Variants in TACR1 observed in about 807,000 individuals in gnomAD.
TACR1 encodes the protein tachykinin receptor 1.
A neutral mutation model predicts 35.8 loss-of-function variants in TACR1; 25 were observed. The ratio of observed to expected loss-of-function variants is 0.70; its 90% confidence interval spans 0.51 to 0.98. TACR1 has a LOEUF of 0.98. TACR1 is among the 50% of genes least tolerant of loss of function. The probability of loss-of-function intolerance (pLI) is 0.00; values close to 1 mark genes in which losing one functional copy is unlikely to be tolerated. For missense variants in TACR1, 478 were observed against 522.9 expected (o/e 0.91, Z 0.84); for synonymous variants, 195 against 206.7 (o/e 0.94, Z 0.48).
At chr2:75,138,767 T>C (rs1674346118) in intron 1 of TACR1, among the ~76,000 whole-genome samples, 2 of 83,960 alleles carry the variant, frequency 2.4e-5, no homozygotes, top group Admixed American at 1.1e-4. Flanking sequence ...ACTCATTCAA[T>C]CATTCATTCA....
intron 1 of TACR1, among the ~76,000 whole-genome samples, chr2:75,153,473 ACTGACTG>A (rs931181511): frequency 4.1e-4 from 62 of 152,352 alleles, no homozygotes; most frequent in African/African-American, 1.3e-3. Flanking sequence ...GTCAATATTG[ACTGACTG>A]CACTCTGAGC....
intron 1 of TACR1, among the ~76,000 whole-genome samples, chr2:75,146,076 A>G (rs1262459017): frequency 6.6e-6 from 1 of 152,180 alleles, no homozygotes; most frequent in Non-Finnish European, 1.5e-5. Context: ...GTGGTATAAG[A>G]CATAGGAGGA....
At chr2:75,054,867 T>A (rs1672540306) in intron 2 of TACR1, among the ~76,000 whole-genome samples, 1 of 152,118 alleles carries the variant, frequency 6.6e-6, no homozygotes. Context: ...TAAATTTGAG[T>A]GTTGATGAAA....
chr2:75,094,675 T>A (rs910304791), intron 2 of TACR1, among the ~76,000 whole-genome samples: 1 of 150,004 alleles, frequency 6.7e-6, no homozygotes, highest in Non-Finnish European at 1.5e-5. Context: ...GAGGTGGAGG[T>A]GGTGGAGGTG....
chr2:75,154,996 C>G (rs1210766212), intron 1 of TACR1, among the ~76,000 whole-genome samples: 1 of 152,192 alleles, frequency 6.6e-6, no homozygotes, highest in Non-Finnish European at 1.5e-5. Context: ...CAAATTCACA[C>G]TGAGCATGAA....
Position 75,137,003 on chromosome 2 carries a change from C to A in TACR1, c.390-16235G>T, listed in dbSNP as rs145840924. Among the ~76,000 whole-genome samples the A allele has an allele frequency of 1.6e-3, 249 of 152,298 alleles. 1 individual carries two copies. The highest frequency in any genetic ancestry group is 5.0e-3 in the African/African-American group (209 of 41,560). On this transcript the variant is annotated intron_variant, in intron 1 of 4. Transcript: ENST00000305249. ...TATTCTAATTATCAGTTTGTGTGGT[C>A]TCTTGGCCTGGGCTTCAAGGAGAAA...
intron 1 of TACR1, among the ~76,000 whole-genome samples, chr2:75,168,658 C>T (rs982074466): frequency 1.3e-5 from 2 of 152,136 alleles, no homozygotes; most frequent in Admixed American, 1.3e-4. Flanking sequence ...TAAGACAATA[C>T]GTTTGGGTTG....
intron 2 of TACR1, among the ~76,000 whole-genome samples, chr2:75,096,220 C>G (rs572989410): frequency 6.6e-6 from 1 of 152,292 alleles, no homozygotes; most frequent in East Asian, 1.9e-4. Context: ...TTGGCCTGTG[C>G]TGCTCTTTGA....
At chr2:75,108,854 T>C (rs1009609444) in intron 2 of TACR1, among the ~76,000 whole-genome samples, 1 of 152,206 alleles carries the variant, frequency 6.6e-6, no homozygotes, top group African/African-American at 2.4e-5. Flanking sequence ...ATTTCAAAAT[T>C]TGTACATAAT....
At chr2:75,147,622 C>T (rs1264304941) in intron 1 of TACR1, among the ~76,000 whole-genome samples, 1 of 152,124 alleles carries the variant, frequency 6.6e-6, no homozygotes, top group Non-Finnish European at 1.5e-5. Flanking sequence ...CATGTGTTTT[C>T]ATTGTTCAAC....
Position 75,126,686 on chromosome 2 carries a change from A to G in TACR1, c.390-5918T>C, listed in dbSNP as rs13415474. ...GAGCTTCTGCACAGCAAAAGAAACTATCAACAGAGCATACAGACAGCCTAC... is the reference window on the plus strand; with the variant it reads ...GAGCTTCTGCACAGCAAAAGAAACTGTCAACAGAGCATACAGACAGCCTAC... On this transcript the variant is annotated intron_variant, in intron 1 of 4. Coordinates refer to ENST00000305249, the MANE Select transcript of TACR1 (RefSeq NM_001058.4). 3.5e-3 allele frequency among the ~76,000 whole-genome samples: 539 copies of G among 152,358 alleles called. 5 individuals carry two copies. The highest frequency in any genetic ancestry group is 0.012 in the African/African-American group (509 of 41,576).
At chr2:75,125,480 G>A (rs941091442) in intron 1 of TACR1, among the ~76,000 whole-genome samples, 15 of 152,150 alleles carry the variant, frequency 9.9e-5, no homozygotes, top group African/African-American at 2.9e-4. Context: ...CCACCGCGCC[G>A]GGCCTTTATT....
intron 1 of TACR1, among the ~76,000 whole-genome samples, chr2:75,181,045 TCTAACTCTTTACTCTCTTG>T (rs1288945648): frequency 6.6e-6 from 1 of 152,196 alleles, no homozygotes; most frequent in Non-Finnish European, 1.5e-5. Flanking sequence ...CATTCTCATT[TCTAACTCTTTACTCTCTTG>T]CAAACATCTA....
chr2:75,162,405 G>A (rs1349360248), intron 1 of TACR1, among the ~76,000 whole-genome samples: 2 of 152,198 alleles, frequency 1.3e-5, no homozygotes, highest in Non-Finnish European at 2.9e-5. Context: ...CTAGCCAATG[G>A]CCAATGGTTC....
At chr2:75,124,699 A>G (rs1233244732) in intron 1 of TACR1, among the ~76,000 whole-genome samples, 1 of 152,220 alleles carries the variant, frequency 6.6e-6, no homozygotes, top group Non-Finnish European at 1.5e-5. Context: ...CAAAGAAACT[A>G]TTGGGCATGG....
At chr2:75,166,773 T>A (rs1675153034) in intron 1 of TACR1, among the ~76,000 whole-genome samples, 1 of 152,194 alleles carries the variant, frequency 6.6e-6, no homozygotes, top group African/African-American at 2.4e-5. Flanking sequence ...TCAGGTTATC[T>A]GAGGAAAACT....
chr2:75,104,271 C>G (rs371741336), intron 2 of TACR1, among the ~76,000 whole-genome samples: 5 of 151,662 alleles, frequency 3.3e-5, no homozygotes, highest in Non-Finnish European at 7.4e-5. Flanking sequence ...TTGTATCAGA[C>G]TTTAAGTCAA....
intron 1 of TACR1, among the ~76,000 whole-genome samples, chr2:75,155,117 A>G (rs1674813094): frequency 6.6e-6 from 1 of 152,160 alleles, no homozygotes; most frequent in East Asian, 1.9e-4. Flanking sequence ...AAACAAAAAA[A>G]TCTAAAAACC....
chr2:75,115,781 C>G (rs1205712380), intron 2 of TACR1, among the ~76,000 whole-genome samples: 3 of 151,664 alleles, frequency 2.0e-5, no homozygotes, highest in Non-Finnish European at 4.4e-5. Context: ...GTGGCGGGTG[C>G]CTGTAGTCCC....
Sources: gnomAD v4.1 joint callset for allele counts (sites outside exome capture counted in the v4.1 genomes callset) on GRCh38, gnomAD v4.1.1 for gene constraint, MANE v1.5 for transcripts, NCBI Gene and HGNC (gene_info 2026-07-23, HGNC 2026-07-21) for gene names.